Variants in NRIP1 observed in about 807,000 individuals in gnomAD.
The protein encoded by NRIP1 is nuclear receptor interacting protein 1.
A neutral mutation model predicts 75.0 loss-of-function variants in NRIP1; 28 were observed. The ratio of observed to expected loss-of-function variants is 0.37; its 90% confidence interval spans 0.28 to 0.51. NRIP1 has a LOEUF of 0.51. Among genes scored for constraint, NRIP1 ranks in the 20% least tolerant of loss-of-function variants. NRIP1 has a pLI of 0.92. For missense variants in NRIP1, 1,435 were observed against 1,343.7 expected (o/e 1.07, Z -1.06); for synonymous variants, 526 against 487.6 (o/e 1.08, Z -1.04).
Position 14,965,220 on chromosome 21 carries a change from G to T in NRIP1, c.2973C>A (p.Pro991=), listed in dbSNP as rs1265393761. The change falls in exon 4 of 4, where the codon CCC becomes CCA. Residue 991 remains proline (P), a synonymous_variant. Transcript: ENST00000318948. ...ATGTCCTGTTATCCATGCAACTGCT[G>T]GGCTGAGTGGAACTGTACATCAGTC... is the stretch of plus-strand genomic sequence containing the variant. The part of the protein sequence containing the change: ...LNGLMYSSTQ[P]SSCMDNRTFS... The T allele has an allele frequency of 1.2e-6, 2 of 1,613,896 alleles. No individual in the cohort carries two copies. The highest frequency in any genetic ancestry group is 1.7e-6 in the Non-Finnish European group (2 of 1,179,930).
chr21:15,036,495 A>C (rs990367128), intron 2 of NRIP1, among the ~76,000 whole-genome samples: 10 of 152,014 alleles, frequency 6.6e-5, no homozygotes, highest in African/African-American at 1.7e-4. Flanking sequence ...TGATTCTATG[A>C]AACTCATTTC....
chr21:14,986,437 G>T (rs1421509950), intron 3 of NRIP1, among the ~76,000 whole-genome samples: 1 of 152,122 alleles, frequency 6.6e-6, no homozygotes, highest in Non-Finnish European at 1.5e-5. Flanking sequence ...ACCATTAGTA[G>T]AAACATAAAA....
At chr21:14,974,546 A>C (rs1448794685) in intron 3 of NRIP1, among the ~76,000 whole-genome samples, 2 of 152,156 alleles carry the variant, frequency 1.3e-5, no homozygotes, top group African/African-American at 4.8e-5. Context: ...CCTCTATCAA[A>C]CACCTGCCTT....
intron 3 of NRIP1, among the ~76,000 whole-genome samples, chr21:14,990,716 G>A (rs1342712921): frequency 6.6e-6 from 1 of 152,218 alleles, no homozygotes; most frequent in Non-Finnish European, 1.5e-5. Context: ...GGATGGTTAT[G>A]TTGAAGTTGG....
At chr21:15,014,645 T>G (rs1363500054) in intron 2 of NRIP1, among the ~76,000 whole-genome samples, 179 bp from the exon 3 acceptor site, 1 of 152,150 alleles carries the variant, frequency 6.6e-6, no homozygotes. Flanking sequence ...AAGCAATAGA[T>G]CTCTGCTTTC....
chr21:15,000,628 C>G (rs1430367684), intron 3 of NRIP1, among the ~76,000 whole-genome samples: 1 of 152,000 alleles, frequency 6.6e-6, no homozygotes, highest in Non-Finnish European at 1.5e-5. Flanking sequence ...AAAGTAATTA[C>G]AAAATCAAAA....
At chr21:15,026,825 A>C (rs1158278511) in intron 2 of NRIP1, among the ~76,000 whole-genome samples, 1 of 152,176 alleles carries the variant, frequency 6.6e-6, no homozygotes, top group Non-Finnish European at 1.5e-5. Flanking sequence ...AATAAATTTC[A>C]AAAAACCAAT....
At chr21:14,998,615 C>A (rs191401944) in intron 3 of NRIP1, among the ~76,000 whole-genome samples, 2 of 152,324 alleles carry the variant, frequency 1.3e-5, no homozygotes, top group East Asian at 3.9e-4. Flanking sequence ...AATTTTCTTC[C>A]ATTTCTGCCA....
intron 3 of NRIP1, among the ~76,000 whole-genome samples, chr21:14,984,161 T>A (rs1410739564): frequency 6.6e-6 from 1 of 152,138 alleles, no homozygotes; most frequent in Non-Finnish European, 1.5e-5. Flanking sequence ...ATTCTAGATG[T>A]CATTAAGAAC....
At chr21:14,975,017 TG>T (rs1253996832) in intron 3 of NRIP1, among the ~76,000 whole-genome samples, 4 of 151,296 alleles carry the variant, frequency 2.6e-5, no homozygotes, top group Non-Finnish European at 2.9e-5. Context: ...GAGGCTGAGG[TG>T]GGAGGATCAC....
rs997348955 is a variant in NRIP1, at chr21:14,965,929, A to C, written c.2264T>G (p.Ile755Arg). 2 of 1,613,922 alleles carry C rather than the reference A, an allele frequency of 1.2e-6. No individual in the cohort carries two copies. The highest frequency in any genetic ancestry group is 3.3e-5 in the Admixed American group (2 of 59,972). Residue 755 changes from isoleucine to arginine, a missense_variant, in exon 4 of 4, where the codon ATA becomes AGA. Ile to Arg is a moderately conservative substitution (Grantham distance 97, BLOSUM62 -3). Transcript: ENST00000318948. ...ALSEQILMVKIKSEPCDDLQI... is the reference protein window; with the variant it reads ...ALSEQILMVKRKSEPCDDLQI... ...TAAGTCATCACAAGGCTCAGATTTTATTTTCACCATCAGTATTTGTTCACT... is the reference window on the plus strand; with the variant it reads ...TAAGTCATCACAAGGCTCAGATTTTCTTTTCACCATCAGTATTTGTTCACT...
chr21:14,978,107 C>T (rs891630544), intron 3 of NRIP1, among the ~76,000 whole-genome samples: 5 of 152,174 alleles, frequency 3.3e-5, no homozygotes, highest in African/African-American at 1.2e-4. Context: ...CAGCTGCTTC[C>T]ATAGGAGTAA....
Position 14,961,907 on chromosome 21 carries a change from AACAAT to A in NRIP1, c.*2804_*2808del, listed in dbSNP as rs2086598585. The A allele has an allele frequency of 6.6e-6, 1 of 151,844 alleles. No individual in the cohort carries two copies. Among genetic ancestry groups the A allele is most frequent in the African/African-American group, 2.4e-5 (1 of 41,328 alleles). The allele number at this position is 151,844 out of a possible 1,614,324, so 9.4% of individuals were successfully genotyped here. On this transcript the variant is annotated 3_prime_UTR_variant, in exon 4 of 4. Coordinates refer to ENST00000318948, the MANE Select transcript of NRIP1 (RefSeq NM_003489.4). ...TTAAAAGGCTTTTCTGTTGCATTAG[AACAAT>A]ACAAAATATGTATTTTTCATTAAGG...
At chr21:15,017,095 G>A (rs1464388350) in intron 2 of NRIP1, among the ~76,000 whole-genome samples, 1 of 152,044 alleles carries the variant, frequency 6.6e-6, no homozygotes, top group Non-Finnish European at 1.5e-5. Context: ...TGAACTTGTG[G>A]GCTAAATCTT....
chr21:14,974,198 T>A (rs1263573021), intron 3 of NRIP1: 1 of 152,124 alleles, frequency 6.6e-6, no homozygotes, highest in Non-Finnish European at 1.5e-5. Flanking sequence ...TCATTCCCTG[T>A]TTTCCTGGTT....
intron 3 of NRIP1, among the ~76,000 whole-genome samples, chr21:14,993,019 G>C (rs907548102): frequency 6.6e-6 from 1 of 152,074 alleles, no homozygotes; most frequent in African/African-American, 2.4e-5. Flanking sequence ...AAACTTATGA[G>C]AGAGAAGGGA....
chr21:15,053,994 C>T (rs1003256790), intron 1 of NRIP1, among the ~76,000 whole-genome samples: 2 of 152,034 alleles, frequency 1.3e-5, no homozygotes, highest in African/African-American at 4.8e-5. Flanking sequence ...AATCTCTGAG[C>T]TCCATTTCAA....
Position 14,966,181 on chromosome 21 carries a change from C to G in NRIP1, c.2012G>C (p.Ser671Thr), listed in dbSNP as rs980961846. ...KPIGMIDRLN[S>T]PLLSNKTNAV... The stretch of plus-strand genomic sequence containing the variant: ...ATTTGTTTTATTTGAGAGCAAAGGG[C>G]TATTTAATCTATCAATCATACCTAT... Residue 671 changes from serine (S) to threonine (T), a missense_variant, in exon 4 of 4, where the codon AGC becomes ACC. Coordinates refer to ENST00000318948, the MANE Select transcript of NRIP1 (RefSeq NM_003489.4). 5 of 1,613,520 alleles carry G rather than the reference C, an allele frequency of 3.1e-6. No individual in the cohort carries two copies. In the East Asian group the frequency reaches 6.7e-5, roughly 22 times the overall value.
At chr21:15,029,825 C>T (rs2088602388) in intron 2 of NRIP1, among the ~76,000 whole-genome samples, 1 of 150,716 alleles carries the variant, frequency 6.6e-6, no homozygotes. Context: ...TAAAGGAAAA[C>T]AAATAAATAA....
Sources: allele counts gnomAD v4.1 joint callset (sites outside exome capture counted in the v4.1 genomes callset), GRCh38; gene constraint gnomAD v4.1.1; transcripts MANE v1.5; gene names NCBI Gene and HGNC (gene_info 2026-07-23, HGNC 2026-07-21).